The following PPP2R2C variants were observed in gnomAD, a reference collection of about 807,000 sequenced individuals.
PPP2R2C encodes the protein protein phosphatase 2, regulatory subunit B, gamma.
PPP2R2C carries 10 observed loss-of-function variants against 45.3 expected under a neutral mutation model. That is an observed-to-expected ratio of 0.22 (90% confidence interval 0.14 to 0.37). PPP2R2C has a LOEUF of 0.37. Ranked by LOEUF, PPP2R2C falls within the 10% of genes least tolerant of loss-of-function variation. PPP2R2C has a pLI of 1.00. For missense variants in PPP2R2C, 308 were observed against 619.7 expected (o/e 0.50, Z 5.34); for synonymous variants, 257 against 245.4 (o/e 1.05, Z -0.44).
chr4:6,512,653 A>ATGGTGGTGGTGGTGGTGGTGG (rs79384701), intron 2 of PPP2R2C, among the ~76,000 whole-genome samples: 1 of 123,744 alleles, frequency 8.1e-6, no homozygotes, highest in Non-Finnish European at 1.7e-5. Context: ...GATGGTGCTG[A>ATGGTGGTGGTGGTGGTGGTGG]TGGTGGTGGT....
At chr4:6,423,779 G>T (rs116444297) in intron 1 of PPP2R2C, among the ~76,000 whole-genome samples, 294 of 152,332 alleles carry the variant, frequency 1.9e-3, no homozygotes, top group African/African-American at 6.7e-3. Context: ...GGAACTGAAA[G>T]ATCAGGGAGG....
At position 6,527,506 on chromosome 4, in the gene PPP2R2C, A is replaced by C. The variant is rs1465849206; in HGVS notation, c.49+7765T>G. 6.1e-5 allele frequency among the ~76,000 whole-genome samples: 6 copies of C among 97,838 alleles called. No individual in the cohort carries two copies. The Admixed American group carries it at 6.6e-4, about 11-fold the overall frequency. The allele number at this position is 97,838 out of a possible 152,430, so 64.2% of individuals were successfully genotyped here. On this transcript the variant is annotated intron_variant, in intron 2 of 9. Coordinates refer to the PPP2R2C transcript ENST00000506140. ...GGACCTGCCAAGTGCCCCAACCAACATGTGCCATGAGAATACCATGAGAAC... is the reference window on the plus strand; with the variant it reads ...GGACCTGCCAAGTGCCCCAACCAACCTGTGCCATGAGAATACCATGAGAAC...
chr4:6,423,388 G>GAGACGAGGTTTCACCACATTA (rs1719097707), intron 1 of PPP2R2C, among the ~76,000 whole-genome samples: 1 of 152,154 alleles, frequency 6.6e-6, no homozygotes, highest in Non-Finnish European at 1.5e-5. Flanking sequence ...GTTTTTAGTA[G>GAGACGAGGTTTCACCACATTA]AGACGAGGTT....
chr4:6,472,746 C>T (rs1483847550), upstream of PPP2R2C, among the ~76,000 whole-genome samples: 1 of 151,850 alleles, frequency 6.6e-6, no homozygotes, highest in East Asian at 1.9e-4. Context: ...CGGGCCCTCG[C>T]GGTGGGCACC....
Position 6,494,015 on chromosome 4 carries a change from G to A in PPP2R2C, c.49+41256C>T, listed in dbSNP as rs193001588. On this transcript the variant is annotated intron_variant, in intron 2 of 9. Transcript: ENST00000506140. The stretch of plus-strand genomic sequence containing the variant: ...CTCGGCTACACCCAGCTTCGAGCCT[G>A]CAGCGTACCTGGGTTTGCACATTTT... Among the ~76,000 whole-genome samples the A allele has an allele frequency of 3.3e-4, 50 of 152,328 alleles. No homozygotes were observed. The East Asian group carries it at 9.3e-3, about 28-fold the overall frequency.
At chr4:6,341,269 G>A (rs768709140) in intron 6 of PPP2R2C, among the ~76,000 whole-genome samples, 1 of 151,330 alleles carries the variant, frequency 6.6e-6, no homozygotes, top group Admixed American at 6.6e-5. Context: ...AACCCAGGAG[G>A]TGGAGGTTGC....
intron 2 of PPP2R2C, among the ~76,000 whole-genome samples, chr4:6,493,220 C>T (rs867912549): frequency 2.0e-5 from 3 of 152,122 alleles, no homozygotes; most frequent in Non-Finnish European, 4.4e-5. Flanking sequence ...CCCACCCACA[C>T]ACAAGCACAC....
chr4:6,508,638 A>G (rs947391837), intron 2 of PPP2R2C, among the ~76,000 whole-genome samples: 1 of 152,010 alleles, frequency 6.6e-6, no homozygotes, highest in East Asian at 1.9e-4. Flanking sequence ...GGTGATGACC[A>G]GCAGCTTCCT....
At chr4:6,423,431 T>C (rs1404539105) in intron 1 of PPP2R2C, among the ~76,000 whole-genome samples, 1 of 152,310 alleles carries the variant, frequency 6.6e-6, no homozygotes, top group African/African-American at 2.4e-5. Flanking sequence ...CTCGAACCCC[T>C]GACCTCAAGT....
intron 1 of PPP2R2C, among the ~76,000 whole-genome samples, chr4:6,428,898 G>C (rs1321724989): frequency 6.6e-6 from 1 of 152,208 alleles, no homozygotes; most frequent in Non-Finnish European, 1.5e-5. Flanking sequence ...CCTGACTCCT[G>C]GTCCTGCAAG....
At chr4:6,424,689 A>C (rs1301695394) in intron 1 of PPP2R2C, among the ~76,000 whole-genome samples, 1 of 152,156 alleles carries the variant, frequency 6.6e-6, no homozygotes, top group Non-Finnish European at 1.5e-5. Flanking sequence ...GGGGAAGGGC[A>C]TGGAGGCAGA....
chr4:6,558,619 A>T (rs1231203775), intron 1 of PPP2R2C, among the ~76,000 whole-genome samples: 2 of 152,190 alleles, frequency 1.3e-5, no homozygotes, highest in East Asian at 1.9e-4. Flanking sequence ...CCGCAGAAAG[A>T]TTCTTTGGCA....
chr4:6,403,048 G>A (rs1221010065), intron 1 of PPP2R2C, among the ~76,000 whole-genome samples: 5 of 152,244 alleles, frequency 3.3e-5, no homozygotes, highest in African/African-American at 1.2e-4. Flanking sequence ...CAGGAGGGCA[G>A]TAATTTCCAC....
intron 3 of PPP2R2C, among the ~76,000 whole-genome samples, chr4:6,377,245 T>C (rs1362079774): frequency 1.3e-5 from 2 of 152,152 alleles, no homozygotes; most frequent in South Asian, 2.1e-4. Context: ...GCGGTTACTG[T>C]TCTCAGGGGG....
intron 1 of PPP2R2C, among the ~76,000 whole-genome samples, chr4:6,452,556 G>A (rs746444865): frequency 5.9e-5 from 9 of 152,210 alleles, no homozygotes; most frequent in African/African-American, 9.6e-5. Flanking sequence ...AGGGCTGTGC[G>A]CCCTGCACCA....
At chr4:6,327,736 C>G (rs1412815859) in intron 8 of PPP2R2C, among the ~76,000 whole-genome samples, 2 of 152,186 alleles carry the variant, frequency 1.3e-5, no homozygotes, top group East Asian at 3.9e-4. Flanking sequence ...CAGCCCAGCC[C>G]CGGGTCGGGC....
At chr4:6,543,690 G>T (rs1246835930) in intron 1 of PPP2R2C, among the ~76,000 whole-genome samples, 1 of 152,214 alleles carries the variant, frequency 6.6e-6, no homozygotes, top group African/African-American at 2.4e-5. Flanking sequence ...GGGCCACCCA[G>T]CTTGTCACAT....
intron 1 of PPP2R2C, among the ~76,000 whole-genome samples, chr4:6,463,482 G>A (rs1721434151): frequency 6.6e-6 from 1 of 152,242 alleles, no homozygotes; most frequent in Non-Finnish European, 1.5e-5. Context: ...AGCAGCCTTT[G>A]TTCTGCCTCA....
chr4:6,385,694 C>T (rs755555901), intron 1 of PPP2R2C, among the ~76,000 whole-genome samples: 2 of 152,066 alleles, frequency 1.3e-5, no homozygotes, highest in African/African-American at 4.8e-5. Flanking sequence ...CTCAGCCTCC[C>T]GAGTAGTTGG....
Sources: gnomAD v4.1 joint callset for allele counts (sites outside exome capture counted in the v4.1 genomes callset) on GRCh38, gnomAD v4.1.1 for gene constraint, MANE v1.5 for transcripts, NCBI Gene and HGNC (gene_info 2026-07-23, HGNC 2026-07-21) for gene names.